FAT2: variants seen among roughly 807,000 people sequenced by gnomAD.
The protein encoded by FAT2 is protocadherin Fat 2.
In FAT2, 150 loss-of-function variants were observed where a neutral mutation model predicts 295.3. The ratio of observed to expected loss-of-function variants is 0.51; its 90% CI spans 0.44 to 0.58. The LOEUF (loss-of-function observed/expected upper bound fraction) is 0.58. FAT2 is among the 20% of genes least tolerant of loss of function. The pLI, the probability that FAT2 is intolerant of heterozygous loss-of-function variation, is 0.00. For missense variants in FAT2, 4,868 were observed against 5,442.7 expected (o/e 0.89, Z 3.32); for synonymous variants, 2,026 against 2,150.3 (o/e 0.94, Z 1.60).
Position 151,591,289 on chromosome 5 carries a change from C to T in FAT2, c.-145G>A, listed in dbSNP as rs1206500814. On this transcript the variant is annotated 5_prime_UTR_variant, in exon 1 of 24. Coordinates refer to ENST00000261800, the MANE Select transcript of FAT2 (RefSeq NM_001447.3). ...GACTCGGAGCAGGAAGGCGCGCAGC[C>T]CGCAGCCGGAGAGGCTGCTGAGAAA... Among the ~76,000 whole-genome samples the T allele has an allele frequency of 1.3e-5, 2 of 152,176 alleles. No homozygotes were observed. Among genetic ancestry groups the T allele is most frequent in the Admixed American group, 1.3e-4 (2 of 15,292 alleles).
chr5:151,541,626 C>T (rs1362934020), intron 10 of FAT2, among the ~76,000 whole-genome samples: 1 of 152,176 alleles, frequency 6.6e-6, no homozygotes, highest in African/African-American at 2.4e-5. Flanking sequence ...CTCTCATGGC[C>T]ACTGGTTAGC....
At chr5:151,583,610 A>G (rs1759049656) in intron 1 of FAT2, among the ~76,000 whole-genome samples, 1 of 152,224 alleles carries the variant, frequency 6.6e-6, no homozygotes. Context: ...CTATTTATTA[A>G]TCTGGGAGCT....
intron 3 of FAT2, among the ~76,000 whole-genome samples, chr5:151,558,391 G>A (rs929331892): frequency 1.1e-4 from 16 of 152,206 alleles, no homozygotes; most frequent in Admixed American, 2.0e-4. Flanking sequence ...CGAAGCGGGC[G>A]GATCACCTGA....
rs763643680 is a variant in FAT2 at position 151,566,165 on chromosome 5, G to A, written c.2767C>T (p.Pro923Ser). 1.2e-6 allele frequency: 2 copies of A among 1,614,174 alleles called. No homozygotes were observed. Among genetic ancestry groups the A allele is most frequent in the Non-Finnish European group, 8.5e-7 (1 of 1,180,028 alleles). Residue 923 changes from proline (P) to serine (S), a missense_variant, in exon 2 of 24, where the codon CCC (proline) becomes TCC (serine). Coordinates refer to ENST00000261800, the MANE Select transcript of FAT2 (RefSeq NM_001447.3). ...CTGTTGTGTTCTGTGATGCACTGGG[G>A]AGAGTTGTCGTTGACATCCTCCAAT... ...ITLEDVNDNS[P>S]QCITEHNRLK...
In FAT2 at chr5:151,531,896, C is replaced by T. The variant is rs754083295; in HGVS notation, c.9502G>A (p.Val3168Met). ...TGCAGCGGCTTTTCCAGGCGGATCA[C>T]CCCCGTGGTGGCGTCGATGGAAAAG... ...GHFSIDATTG[V>M]IRLEKPLQVR... Residue 3168 changes from valine (V) to methionine (M), a missense_variant, in exon 14 of 24, where the codon GTG becomes ATG. By Grantham distance (21) the Val-to-Met change is conservative. Coordinates refer to ENST00000261800, the MANE Select transcript of FAT2 (RefSeq NM_001447.3). This position sits in a 1 kb window ranked among gnomAD's most constrained non-coding sequence, Gnocchi z 5.7. 1 of 1,614,140 alleles carries T rather than the reference C, an allele frequency of 6.2e-7. No individual in the cohort carries two copies. Among genetic ancestry groups the T allele is most frequent in the Non-Finnish European group, 8.5e-7 (1 of 1,180,020 alleles).
At chr5:151,537,235 A>G (rs200216374) in intron 12 of FAT2, among the ~76,000 whole-genome samples, 22 of 114,932 alleles carry the variant, frequency 1.9e-4, no homozygotes, top group Admixed American at 6.4e-4. Context: ...AGGAGGAGGA[A>G]GAAGAAGAAA....
In FAT2 at chr5:151,563,446, G is replaced by A. The variant is rs150244445; in HGVS notation, c.3453C>T (p.Pro1151=). The A allele has an allele frequency of 3.3e-4, 540 of 1,614,204 alleles. 1 individual carries two copies. Among genetic ancestry groups the A allele is most frequent in the Non-Finnish European group, 4.0e-4 (474 of 1,180,036 alleles). ...VFYPSIQEDA[P]VGTSVLQLDA... The stretch of plus-strand genomic sequence containing the variant: ...CCAGTTGAAGCACAGAGGTGCCCAC[G>A]GGAGCATCCTCCTGGATGGAGGGGT... Residue 1151 remains proline (P), a synonymous_variant, in exon 3 of 24, where the codon CCC becomes CCT. Coordinates refer to ENST00000261800, the MANE Select transcript of FAT2 (RefSeq NM_001447.3).
chr5:151,529,506 A>G (rs1180014487), intron 14 of FAT2, 114 bp from the exon 15 acceptor site: 53 of 793,860 alleles, frequency 6.7e-5, no homozygotes, highest in Non-Finnish European at 8.4e-5. Flanking sequence ...AGGCAAGGTA[A>G]GTGTCCTCTG....
At chr5:151,554,871 A>G (rs1205083071) in intron 4 of FAT2, among the ~76,000 whole-genome samples, 198 bp from the exon 5 acceptor site, 3 of 152,258 alleles carry the variant, frequency 2.0e-5, no homozygotes, top group Non-Finnish European at 4.4e-5. Flanking sequence ...GAAAGGAAGC[A>G]GAAAGAACTG....
rs2127649419 is a variant in FAT2, at chr5:151,568,135, C to T, written c.797G>A (p.Ser266Asn). Residue 266 changes from serine (S) to asparagine (N), a missense_variant, in exon 2 of 24, where the codon AGC becomes AAC. Physicochemically the swap from Ser to Asn is conservative, Grantham distance 46. Transcript: ENST00000261800. ...IASVVVTPPD[S>N]NDGTTYATVL... ...AGTGGCATAGGTGGTACCATCATTG[C>T]TGTCTGGTGGAGTCACCACCACCGA... 1 of 1,614,178 alleles carries T rather than the reference C, an allele frequency of 6.2e-7. No homozygotes were observed. Among genetic ancestry groups the T allele is most frequent in the Non-Finnish European group, 8.5e-7 (1 of 1,180,022 alleles).
At chr5:151,592,503 A>G (rs796227671), upstream of FAT2, among the ~76,000 whole-genome samples, 18 of 152,158 alleles carry the variant, frequency 1.2e-4, no homozygotes, top group African/African-American at 3.9e-4. Flanking sequence ...GCATACCTCT[A>G]ATTACAAGAA....
intron 23 of FAT2, among the ~76,000 whole-genome samples, chr5:151,506,816 T>A (rs1189032571): frequency 6.6e-6 from 1 of 152,216 alleles, no homozygotes; most frequent in Non-Finnish European, 1.5e-5. Context: ...CTTAGACCAC[T>A]TCTCCTTTCC....
chr5:151,559,636 A>G, intron 3 of FAT2, among the ~76,000 whole-genome samples: 2 of 148,762 alleles, frequency 1.3e-5, no homozygotes, highest in African/African-American at 2.5e-5. Context: ...TCTGAATCTC[A>G]GCCTCTCTCT....
intron 20 of FAT2, among the ~76,000 whole-genome samples, chr5:151,513,879 A>G (rs918027316): frequency 6.6e-6 from 1 of 152,240 alleles, no homozygotes; most frequent in African/African-American, 2.4e-5. Flanking sequence ...GTTGATAGTT[A>G]TAACCCACAT....
intron 7 of FAT2, 44 bp from the exon 8 acceptor site, chr5:151,550,915 G>A (rs2127622438): frequency 6.3e-7 from 1 of 1,590,042 alleles, no homozygotes; most frequent in Non-Finnish European, 8.6e-7. Context: ...AAGCCCCAGG[G>A]GAACAGGGAC....
chr5:151,506,055 C>T lies in FAT2; in HGVS notation c.12560G>A (p.Arg4187Lys), dbSNP rs1262792450. Reference protein sequence around the residue: ...GAMVWPPTYSRNERWEYPHSE... With the variant: ...GAMVWPPTYSKNERWEYPHSE... ...GTGGGGGTATTCCCAGCGTTCGTTC[C>T]TGGAGTAAGTAGGGGGCCAGACCAT... Residue 4187 changes from arginine (R) to lysine (K), a missense_variant, in exon 24 of 24, where the codon AGG becomes AAG. Physicochemically the swap from Arg to Lys is conservative, Grantham distance 26. Coordinates refer to ENST00000261800, the MANE Select transcript of FAT2 (RefSeq NM_001447.3). 6.4e-7 allele frequency: 1 copy of T among 1,554,472 alleles called. No individual in the cohort carries two copies. Among genetic ancestry groups the T allele is most frequent in the Non-Finnish European group, 8.6e-7 (1 of 1,157,042 alleles).
rs779680737 is a variant in FAT2, at chr5:151,567,407, G to C, written c.1525C>G (p.Pro509Ala). ...GPKALPFSID[P>A]YLGIISTSKP... ...GAGGTGGAGATGATCCCCAGGTAGG[G>C]GTCAATAGAAAATGGCAAAGCTTTT... Residue 509 changes from proline (P) to alanine (A), a missense_variant, in exon 2 of 24, where the codon CCC becomes GCC. By Grantham distance (27) the Pro-to-Ala change is conservative. Coordinates refer to ENST00000261800, the MANE Select transcript of FAT2 (RefSeq NM_001447.3). 1.9e-6 allele frequency: 3 copies of C among 1,614,100 alleles called. No homozygotes were observed. In the East Asian group the frequency reaches 6.7e-5, roughly 36 times the overall value.
chr5:151,518,374 A>AATTATTATTATTATTATT (rs1554124017), intron 19 of FAT2, among the ~76,000 whole-genome samples: 29 of 147,414 alleles, frequency 2.0e-4, no homozygotes, highest in East Asian at 9.9e-4. Flanking sequence ...TAATAATAAT[A>AATTATTATTATTATTATT]ATTTTTAAAA....
intron 1 of FAT2, among the ~76,000 whole-genome samples, chr5:151,585,478 G>A (rs952143848): frequency 1.1e-4 from 17 of 152,224 alleles, no homozygotes; most frequent in African/African-American, 4.1e-4. Context: ...TGGGCGTGGT[G>A]GCACATGCCT....
Sources: gnomAD v4.1 joint callset for allele counts (sites outside exome capture counted in the v4.1 genomes callset) on GRCh38, gnomAD v4.1.1 for gene constraint, Gnocchi (gnomAD v3.1) non-coding constraint, MANE v1.5 for transcripts, NCBI Gene and HGNC (gene_info 2026-07-23, HGNC 2026-07-21) for gene names.